The following VTI1A variants were observed in gnomAD, a reference collection of about 807,000 sequenced individuals.
The protein encoded by VTI1A is vesicle transport through interaction with t-SNAREs homolog 1A.
Under a neutral mutation model 34.9 loss-of-function variants are expected in VTI1A, and 22 were observed. That is an observed-to-expected ratio of 0.63 (90% confidence interval 0.45 to 0.90). The LOEUF (loss-of-function observed/expected upper bound fraction) is 0.90. Among genes scored for constraint, VTI1A ranks in the 40% least tolerant of loss-of-function variants. The probability of loss-of-function intolerance (pLI) is 0.00; values close to 1 mark genes in which losing one functional copy is unlikely to be tolerated. For missense variants in VTI1A, 268 were observed against 275.6 expected, an observed-to-expected ratio of 0.97 and a Z score of 0.20; for synonymous variants, 87 against 97.3, an observed-to-expected ratio of 0.89 and a Z score of 0.62.
At chr10:112,641,337 A>G (rs1051681669) in intron 5 of VTI1A, among the ~76,000 whole-genome samples, 1 of 152,160 alleles carries the variant, frequency 6.6e-6, no homozygotes, top group African/African-American at 2.4e-5. Flanking sequence ...CTTGCTGTTG[A>G]TAAAGGAAAA....
At position 112,798,262 on chromosome 10, in the gene VTI1A, C is replaced by T. The variant is rs572213295; in HGVS notation, c.561-17028C>T. Among the ~76,000 whole-genome samples, 13 of 152,344 alleles carry T rather than the reference C, an allele frequency of 8.5e-5. No individual in the cohort carries two copies. The South Asian group carries it at 2.5e-3, about 29-fold the overall frequency. ...GTGGACCCCAGTTCACTAGGCTCCT[C>T]AGCCAACACTGTCTCTCAGTTGGGC... On this transcript the variant is annotated intron_variant, in intron 7 of 7. Coordinates refer to ENST00000393077, the MANE Select transcript of VTI1A (RefSeq NM_145206.4).
chr10:112,689,773 C>G (rs563891326), intron 7 of VTI1A, among the ~76,000 whole-genome samples: 309 of 151,862 alleles, frequency 2.0e-3, no homozygotes, highest in South Asian at 5.6e-3. Context: ...TTATTATTTA[C>G]ATACAACAAA....
At chr10:112,583,130 T>A (rs1413775338) in intron 5 of VTI1A, among the ~76,000 whole-genome samples, 1 of 152,200 alleles carries the variant, frequency 6.6e-6, no homozygotes, top group East Asian at 1.9e-4. Context: ...GGATAAGCGA[T>A]GATCAAGAGC....
chr10:112,712,579 A>C (rs1380437298), intron 7 of VTI1A, among the ~76,000 whole-genome samples: 3 of 152,150 alleles, frequency 2.0e-5, no homozygotes, highest in Non-Finnish European at 2.9e-5. Context: ...GGTAGAATAC[A>C]TGCAGAGGGG....
intron 5 of VTI1A, among the ~76,000 whole-genome samples, chr10:112,611,616 G>A (rs1845312217): frequency 6.6e-6 from 1 of 151,970 alleles, no homozygotes; most frequent in Non-Finnish European, 1.5e-5. Context: ...CACCTAAATT[G>A]ATGTTTTTCG....
intron 5 of VTI1A, among the ~76,000 whole-genome samples, chr10:112,551,243 C>CA (rs1161935841): frequency 0.14 from 2,935 of 21,626 alleles, 362 homozygotes; most frequent in African/African-American, 0.17. Flanking sequence ...TACTCCATCT[C>CA]AAAAAAAAAA....
intron 7 of VTI1A, among the ~76,000 whole-genome samples, chr10:112,796,446 G>T (rs1852679262): frequency 6.6e-6 from 1 of 151,732 alleles, no homozygotes; most frequent in Admixed American, 6.6e-5. Context: ...GTCTGCAAGG[G>T]GTGTGAGAAG....
chr10:112,736,628 A>C, intron 7 of VTI1A: 1 of 1,521,272 alleles, frequency 6.6e-7, no homozygotes, highest in Non-Finnish European at 8.9e-7. Flanking sequence ...TGCTGTTCTA[A>C]ATGCCAAAAT....
At chr10:112,633,371 C>T (rs1205337797) in intron 5 of VTI1A, among the ~76,000 whole-genome samples, 1 of 152,164 alleles carries the variant, frequency 6.6e-6, no homozygotes, top group African/African-American at 2.4e-5. Context: ...CACCAGAAGC[C>T]TGTGAGGAAA....
intron 3 of VTI1A, among the ~76,000 whole-genome samples, chr10:112,525,179 A>G (rs1307803214): frequency 6.6e-6 from 1 of 152,144 alleles, no homozygotes; most frequent in African/African-American, 2.4e-5. Context: ...GAGCGATCTG[A>G]TGTAGATATC....
intron 3 of VTI1A, among the ~76,000 whole-genome samples, chr10:112,481,577 G>A (rs1278436617): frequency 6.6e-6 from 1 of 152,200 alleles, no homozygotes; most frequent in Non-Finnish European, 1.5e-5. Context: ...TTTAGTAGGA[G>A]ACACTATATA....
chr10:112,708,847 C>G (rs1019464682), intron 7 of VTI1A, among the ~76,000 whole-genome samples: 1 of 152,210 alleles, frequency 6.6e-6, no homozygotes, highest in Non-Finnish European at 1.5e-5. Flanking sequence ...GTGAACATTT[C>G]TTCTTGACAG....
At chr10:112,758,669 G>C (rs1249787520) in intron 7 of VTI1A, among the ~76,000 whole-genome samples, 2 of 152,218 alleles carry the variant, frequency 1.3e-5, no homozygotes, top group African/African-American at 4.8e-5. Context: ...TTGTGGCCTT[G>C]GGCCATTCCC....
intron 7 of VTI1A, among the ~76,000 whole-genome samples, chr10:112,764,778 T>A (rs1851591931): frequency 2.0e-5 from 3 of 152,236 alleles, no homozygotes; most frequent in Admixed American, 2.0e-4. Context: ...TGGTAGTTAG[T>A]GTTGTCAGCG....
chr10:112,754,779 TC>T (rs1851223594), intron 7 of VTI1A, among the ~76,000 whole-genome samples: 1 of 152,166 alleles, frequency 6.6e-6, no homozygotes, highest in African/African-American at 2.4e-5. Context: ...ACTTGGGGTT[TC>T]CGAGGAAAGG....
chr10:112,796,229 T>A (rs141267625), intron 7 of VTI1A, among the ~76,000 whole-genome samples: 32 of 151,906 alleles, frequency 2.1e-4, no homozygotes, highest in African/African-American at 6.8e-4. Flanking sequence ...TGAAACCCTG[T>A]CTCTACTAAA....
chr10:112,685,710 T>C (rs1848379937), intron 7 of VTI1A, among the ~76,000 whole-genome samples: 3 of 152,188 alleles, frequency 2.0e-5, no homozygotes, highest in Admixed American at 2.0e-4. Context: ...ATCAACCTCA[T>C]GTTATTTTGA....
chr10:112,529,338 C>T (rs1349725715), intron 4 of VTI1A, among the ~76,000 whole-genome samples: 1 of 152,068 alleles, frequency 6.6e-6, no homozygotes, highest in Non-Finnish European at 1.5e-5. Context: ...GGCTCTTTGT[C>T]ATAATATAGG....
At chr10:112,744,247 T>C (rs563995873) in intron 7 of VTI1A, among the ~76,000 whole-genome samples, 4 of 152,192 alleles carry the variant, frequency 2.6e-5, no homozygotes, top group African/African-American at 9.6e-5. Context: ...AGAATTAGCT[T>C]CCCTGCCTTA....
Sources: allele counts gnomAD v4.1 joint callset (sites outside exome capture counted in the v4.1 genomes callset), GRCh38; gene constraint gnomAD v4.1.1; transcripts MANE v1.5; gene names NCBI Gene and HGNC (gene_info 2026-07-23, HGNC 2026-07-21).